The following EPSTI1 variants were observed in gnomAD, a reference collection of about 807,000 sequenced individuals.
The protein encoded by EPSTI1 is epithelial stromal interaction 1.
A neutral mutation model predicts 49.9 loss-of-function variants in EPSTI1; 66 were observed. That is an observed-to-expected ratio of 1.32 (90% CI 1.08 to 1.62). EPSTI1 has a LOEUF of 1.62. Ranked by LOEUF, EPSTI1 falls within the 40% of genes most tolerant of loss-of-function variation. EPSTI1 has a pLI of 0.00. For missense variants in EPSTI1, 394 were observed against 365.5 expected, an observed-to-expected ratio of 1.08 and a Z score of -0.64; for synonymous variants, 137 against 130.7, an observed-to-expected ratio of 1.05 and a Z score of -0.33.
In EPSTI1 at chr13:42,951,792, G is replaced by T. The variant is rs528257128; in HGVS notation, c.563+2156C>A. Among the ~76,000 whole-genome samples, 5 of 152,240 alleles carry T rather than the reference G, an allele frequency of 3.3e-5. No individual in the cohort carries two copies. The East Asian group carries it at 7.7e-4, about 24-fold the overall frequency. On this transcript the variant is annotated intron_variant, in intron 6 of 10. Transcript: ENST00000313624. Reference sequence around the variant, plus strand: ...CCCAAGGCCCCTCACTGTTAAGTAGGTCTTCCCTCTTCCAATGTAAAACTA... The same window carrying T: ...CCCAAGGCCCCTCACTGTTAAGTAGTTCTTCCCTCTTCCAATGTAAAACTA...
chr13:42,900,276 A>T, intron 9 of EPSTI1, 34 bp downstream of exon 9: 1 of 1,586,708 alleles, frequency 6.3e-7, no homozygotes, highest in Non-Finnish European at 8.7e-7. Context: ...TAATTGATTT[A>T]ACCAAGGATG....
At chr13:42,925,260 G>A (rs1331417502) in intron 7 of EPSTI1, among the ~76,000 whole-genome samples, 4 of 152,174 alleles carry the variant, frequency 2.6e-5, no homozygotes, top group Non-Finnish European at 5.9e-5. Flanking sequence ...ATGTGATCCA[G>A]AATGAAAACA....
intron 8 of EPSTI1, among the ~76,000 whole-genome samples, chr13:42,906,625 G>A (rs1379661617): frequency 2.0e-5 from 3 of 152,170 alleles, no homozygotes; most frequent in Non-Finnish European, 4.4e-5. Context: ...GGGGAAGGAG[G>A]AGAGTTTAAA....
intron 6 of EPSTI1, among the ~76,000 whole-genome samples, chr13:42,952,445 G>T (rs2039129671): frequency 6.6e-6 from 1 of 152,148 alleles, no homozygotes; most frequent in Non-Finnish European, 1.5e-5. Context: ...AACTCTTCCG[G>T]CTGAGCCTCA....
chr13:42,898,733 A>G (rs922054498), intron 9 of EPSTI1, among the ~76,000 whole-genome samples: 1 of 152,224 alleles, frequency 6.6e-6, no homozygotes, highest in Non-Finnish European at 1.5e-5. Flanking sequence ...GGTGCCCATC[A>G]AAGATAAATA....
intron 1 of EPSTI1, among the ~76,000 whole-genome samples, chr13:42,986,400 C>T (rs563249199): frequency 2.0e-5 from 2 of 99,352 alleles, no homozygotes; most frequent in African/African-American, 5.9e-5. Context: ...AGACAGCTAG[C>T]TTAAGAGACT....
At chr13:42,920,615 C>G (rs986231197) in intron 7 of EPSTI1, among the ~76,000 whole-genome samples, 1 of 152,130 alleles carries the variant, frequency 6.6e-6, no homozygotes, top group African/African-American at 2.4e-5. Context: ...CCCCATATAC[C>G]TGCTCCTGCT....
intron 9 of EPSTI1, among the ~76,000 whole-genome samples, chr13:42,898,608 A>G (rs1172068774): frequency 6.7e-6 from 1 of 149,468 alleles, no homozygotes; most frequent in Admixed American, 6.8e-5. Context: ...GAAATTAAAC[A>G]GCCCCACCAA....
At chr13:42,963,445 A>G in intron 4 of EPSTI1, 107 bp from the exon 5 acceptor site, 1 of 793,734 alleles carries the variant, frequency 1.3e-6, no homozygotes, top group South Asian at 1.7e-5. Flanking sequence ...TGTTTGTGCT[A>G]TACCTCACCA....
chr13:42,976,890 G>A (rs1417243988), intron 1 of EPSTI1, among the ~76,000 whole-genome samples: 1 of 152,130 alleles, frequency 6.6e-6, no homozygotes, highest in Non-Finnish European at 1.5e-5. Context: ...TTACACAGTT[G>A]CAAACATATT....
chr13:42,945,087 A>G (rs2038879132), intron 6 of EPSTI1, among the ~76,000 whole-genome samples: 1 of 152,186 alleles, frequency 6.6e-6, no homozygotes, highest in Non-Finnish European at 1.5e-5. Flanking sequence ...TCACACTGCT[A>G]ATAAAGACAT....
chr13:42,925,891 G>T (rs890129862), intron 7 of EPSTI1, among the ~76,000 whole-genome samples: 1 of 152,158 alleles, frequency 6.6e-6, no homozygotes, highest in African/African-American at 2.4e-5. Flanking sequence ...TATGCTCTGT[G>T]CTCAGCAGTT....
chr13:42,888,190 A>G lies in EPSTI1; in HGVS notation c.*304T>C. ...GCACCCATAGCTCTGATTAACCTGA[A>G]AGCATCAAGTGACTCCCTCTTTTTC... On this transcript the variant is annotated 3_prime_UTR_variant, in exon 11 of 11. Coordinates refer to ENST00000313624, the MANE Select transcript of EPSTI1 (RefSeq NM_033255.5). 2 of 1,579,554 alleles carry G rather than the reference A, an allele frequency of 1.3e-6. No individual in the cohort carries two copies.
At chr13:42,918,076 C>A (rs2037889031) in intron 7 of EPSTI1, among the ~76,000 whole-genome samples, 1 of 152,146 alleles carries the variant, frequency 6.6e-6, no homozygotes, top group Non-Finnish European at 1.5e-5. Flanking sequence ...AGCTTGTCAA[C>A]TAGTGGTTGA....
At chr13:42,979,755 A>T (rs1343520980) in intron 1 of EPSTI1, among the ~76,000 whole-genome samples, 2 of 152,160 alleles carry the variant, frequency 1.3e-5, no homozygotes, top group Admixed American at 1.3e-4. Flanking sequence ...CAGGGTCATA[A>T]CACATCATCC....
chr13:42,941,346 T>TA (rs1433860403), intron 6 of EPSTI1, among the ~76,000 whole-genome samples: 2 of 152,250 alleles, frequency 1.3e-5, no homozygotes, highest in Non-Finnish European at 2.9e-5. Flanking sequence ...ACAATGCCAA[T>TA]AACAGTTTGT....
chr13:42,894,044 C>T (rs1168815182), intron 10 of EPSTI1, among the ~76,000 whole-genome samples: 1 of 152,192 alleles, frequency 6.6e-6, no homozygotes, highest in Non-Finnish European at 1.5e-5. Flanking sequence ...GTGTTCTCTG[C>T]AAATTTGCTT....
In EPSTI1 at chr13:42,963,342, A is replaced by C; in HGVS notation, c.406-4T>G. The C allele has an allele frequency of 1.9e-6, 3 of 1,604,724 alleles. No homozygotes were observed. The highest frequency in any genetic ancestry group is 2.6e-6 in the Non-Finnish European group (3 of 1,175,342). On this transcript the variant is annotated splice_polypyrimidine_tract_variant and splice_region_variant and intron_variant, in intron 4 of 10. Coordinates refer to ENST00000313624, the MANE Select transcript of EPSTI1 (RefSeq NM_033255.5). The stretch of plus-strand genomic sequence containing the variant: ...TTACAGATTCTTCTCTTTTTAGCTA[A>C]ATTGTATTGAAATTACAGAGAACAA...
At chr13:42,975,257 A>C (rs143153731) in intron 1 of EPSTI1, among the ~76,000 whole-genome samples, 82 of 152,342 alleles carry the variant, frequency 5.4e-4, no homozygotes, top group African/African-American at 1.8e-3. Flanking sequence ...CAAGAATAAT[A>C]GAAAATGACA....
Sources: gnomAD v4.1 joint callset for allele counts (sites outside exome capture counted in the v4.1 genomes callset) on GRCh38, gnomAD v4.1.1 for gene constraint, MANE v1.5 for transcripts, NCBI Gene and HGNC (gene_info 2026-07-23, HGNC 2026-07-21) for gene names.